The following OPCML variants were observed in gnomAD, a reference collection of about 807,000 sequenced individuals.
The protein encoded by OPCML is opioid binding protein/cell adhesion molecule like, also known as opioid-binding protein/cell adhesion molecule.
A neutral mutation model predicts 37.8 loss-of-function variants in OPCML; 13 were observed. The observed-to-expected ratio is 0.34, with a 90% CI of 0.22 to 0.55. The LOEUF (loss-of-function observed/expected upper bound fraction) is 0.55. OPCML is among the 20% of genes least tolerant of loss of function. The probability of loss-of-function intolerance (pLI) is 0.91; values close to 1 mark genes in which losing one functional copy is unlikely to be tolerated. For synonymous variants in OPCML, 176 were observed against 168.8 expected (o/e 1.04, Z -0.33); for missense variants, 341 against 435.6 (o/e 0.78, Z 1.93).
chr11:133,383,655 A>G (rs1414427930), intron 1 of OPCML, among the ~76,000 whole-genome samples: 1 of 152,192 alleles, frequency 6.6e-6, no homozygotes, highest in African/African-American at 2.4e-5. Flanking sequence ...GCGTCTTCAG[A>G]GAAATCTCTG....
intron 2 of OPCML, among the ~76,000 whole-genome samples, chr11:132,711,452 C>T (rs1185126558): frequency 3.3e-5 from 5 of 152,158 alleles, no homozygotes; most frequent in African/African-American, 4.8e-5. Context: ...GAACTTGACT[C>T]AAATTTAACA....
At chr11:133,399,275 G>A (rs1293551309) in intron 1 of OPCML, among the ~76,000 whole-genome samples, 2 of 152,176 alleles carry the variant, frequency 1.3e-5, no homozygotes, top group Non-Finnish European at 2.9e-5. Context: ...ATGACGCGTG[G>A]TGGCTTTTGG....
rs145052139 is a variant in OPCML at position 133,386,805 on chromosome 11, C to A, written c.61+145459G>T. Among the ~76,000 whole-genome samples, 695 of 152,276 alleles carry A rather than the reference C, an allele frequency of 4.6e-3. 7 individuals are homozygous for A. Among genetic ancestry groups the A allele is most frequent in the African/African-American group, 0.014 (596 of 41,554 alleles). On this transcript the variant is annotated intron_variant, in intron 1 of 7. Transcript: ENST00000524381. The stretch of plus-strand genomic sequence containing the variant: ...GGCCATGCTTCACTCCACACTGGGG[C>A]CACTGGGAGCGAAAACTGGCAGTCC...
chr11:132,835,497 G>C (rs569004651), intron 2 of OPCML, among the ~76,000 whole-genome samples: 1 of 152,302 alleles, frequency 6.6e-6, no homozygotes, highest in East Asian at 1.9e-4. Flanking sequence ...TCCCTAGTCA[G>C]TACCAGTGGT....
intron 3 of OPCML, among the ~76,000 whole-genome samples, chr11:132,582,846 G>GTTGT (rs1555158670): frequency 0.027 from 1,182 of 43,618 alleles, 55 homozygotes; most frequent in South Asian, 0.059. Flanking sequence ...TTTGTTTAAG[G>GTTGT]TTTTTTTTTT....
chr11:132,999,574 G>A (rs1019329184), intron 1 of OPCML, among the ~76,000 whole-genome samples: 1 of 150,432 alleles, frequency 6.6e-6, no homozygotes, highest in Non-Finnish European at 1.5e-5. Flanking sequence ...GGGGTCGGGG[G>A]GGGAATGCCA....
chr11:133,432,493 T>A (rs7124291), intron 1 of OPCML, among the ~76,000 whole-genome samples: 43,360 of 152,036 alleles, frequency 0.29, 8,968 homozygotes, highest in African/African-American at 0.58. Flanking sequence ...CTCCTGCCTT[T>A]GCCTCCCAAG....
At chr11:132,593,177 G>A (rs757814289) in intron 3 of OPCML, among the ~76,000 whole-genome samples, 13 of 152,182 alleles carry the variant, frequency 8.5e-5, no homozygotes, top group Non-Finnish European at 1.9e-4. Context: ...AGGTCTGGGA[G>A]GAGAACATTC....
rs956322560 is a variant in OPCML at position 132,911,751 on chromosome 11, C to A, written c.146+31175G>T. ...TTAAAGACTTCACAGAAAGTGTGCCCCTTTCTCCATTTAGTCCAAAAATGA... is the reference window on the plus strand; with the variant it reads ...TTAAAGACTTCACAGAAAGTGTGCCACTTTCTCCATTTAGTCCAAAAATGA... On this transcript the variant is annotated intron_variant, in intron 2 of 7. Transcript: ENST00000524381. 1.2e-4 allele frequency among the ~76,000 whole-genome samples: 18 copies of A among 152,136 alleles called. 1 individual carries two copies. Among genetic ancestry groups the A allele is most frequent in the African/African-American group, 3.6e-4 (15 of 41,436 alleles).
intron 1 of OPCML, among the ~76,000 whole-genome samples, chr11:133,426,626 G>A (rs192387133): frequency 1.3e-4 from 20 of 152,238 alleles, no homozygotes; most frequent in African/African-American, 4.6e-4. Context: ...ACCATGCAAG[G>A]AGGCCAAAGT....
At chr11:132,551,072 G>A (rs4937710) in intron 3 of OPCML, among the ~76,000 whole-genome samples, 33,932 of 151,994 alleles carry the variant, frequency 0.22, 4,757 homozygotes, top group Middle Eastern at 0.34. Flanking sequence ...CAGAGAGATG[G>A]GCCCTTTCTC....
intron 2 of OPCML, among the ~76,000 whole-genome samples, chr11:132,762,967 G>A (rs1249797101): frequency 1.3e-5 from 2 of 152,134 alleles, no homozygotes; most frequent in African/African-American, 4.8e-5. Flanking sequence ...GAATCTCCTG[G>A]TCTGTGGGTT....
intron 3 of OPCML, among the ~76,000 whole-genome samples, chr11:132,554,602 C>T (rs545058720): frequency 1.5e-4 from 23 of 152,246 alleles, no homozygotes; most frequent in Non-Finnish European, 3.2e-4. Context: ...CAGGTACCAC[C>T]CCACCTGCTG....
chr11:133,338,365 C>T (rs773750591), intron 1 of OPCML, among the ~76,000 whole-genome samples: 7 of 152,036 alleles, frequency 4.6e-5, no homozygotes, highest in African/African-American at 1.2e-4. Flanking sequence ...TTGACTGGGG[C>T]GGGGTGAAGG....
chr11:133,208,763 C>T lies in OPCML; in HGVS notation c.62-265753G>A, dbSNP rs1477571871. Among the ~76,000 whole-genome samples the T allele has an allele frequency of 1.3e-5, 2 of 152,158 alleles. No homozygotes were observed. Among genetic ancestry groups the T allele is most frequent in the South Asian group, 2.1e-4 (1 of 4,822 alleles). On this transcript the variant is annotated intron_variant, in intron 1 of 7. Coordinates refer to ENST00000524381, the MANE Select transcript of OPCML (RefSeq NM_001012393.5). This position sits in a 1 kb window ranked among gnomAD's most constrained non-coding sequence, Gnocchi z 8.9. ...AAGCACACGTTATCTAAAGCAATGG[C>T]CCTTCTCTAGGACCAAAGGGATACA... is the stretch of plus-strand genomic sequence containing the variant.
chr11:132,586,782 A>T (rs1436255518), intron 3 of OPCML, among the ~76,000 whole-genome samples: 3 of 152,144 alleles, frequency 2.0e-5, no homozygotes, highest in Non-Finnish European at 4.4e-5. Context: ...GAAGGAATGA[A>T]CCCTGCAAAG....
intron 1 of OPCML, among the ~76,000 whole-genome samples, chr11:133,409,307 G>C (rs918907285): frequency 2.6e-5 from 4 of 152,184 alleles, no homozygotes; most frequent in South Asian, 2.1e-4. Flanking sequence ...TCACTCCAGG[G>C]CTCTCTGGCA....
chr11:133,240,116 G>T (rs1940669713), intron 1 of OPCML, among the ~76,000 whole-genome samples: 1 of 149,086 alleles, frequency 6.7e-6, no homozygotes, highest in Admixed American at 6.8e-5. Context: ...CTCCCAGGGA[G>T]CTCTGCCTTC....
chr11:132,497,273 C>T (rs181429114), intron 4 of OPCML, among the ~76,000 whole-genome samples: 2 of 151,918 alleles, frequency 1.3e-5, no homozygotes, highest in Admixed American at 1.3e-4. Context: ...GAGAGAGCAT[C>T]AGGAAGAATA....
Sources: gnomAD v4.1 joint callset for allele counts (sites outside exome capture counted in the v4.1 genomes callset) on GRCh38, gnomAD v4.1.1 for gene constraint, Gnocchi (gnomAD v3.1) non-coding constraint, MANE v1.5 for transcripts, NCBI Gene and HGNC (gene_info 2026-07-23, HGNC 2026-07-21) for gene names.